SEL1L2: variants seen among roughly 807,000 people sequenced by gnomAD.
The protein encoded by SEL1L2 is SEL1L2 adaptor subunit of SYVN1 ubiquitin ligase.
Under a neutral mutation model 98.8 loss-of-function variants are expected in SEL1L2, and 89 were observed. That is an observed-to-expected ratio of 0.90 (90% CI 0.76 to 1.07). The LOEUF (loss-of-function observed/expected upper bound fraction) is 1.07. Among genes scored for constraint, SEL1L2 ranks in the 50% least tolerant of loss-of-function variants. The pLI, the probability that SEL1L2 is intolerant of heterozygous loss-of-function variation, is 0.00. For missense variants in SEL1L2, 788 were observed against 812.0 expected (o/e 0.97, Z 0.36); for synonymous variants, 262 against 278.5 (o/e 0.94, Z 0.59).
intron 1 of SEL1L2, among the ~76,000 whole-genome samples, chr20:13,983,833 T>TA (rs907804911): frequency 6.6e-6 from 1 of 151,680 alleles, no homozygotes; most frequent in Non-Finnish European, 1.5e-5. Flanking sequence ...CACTAGCTTT[T>TA]AAAAAATAAC....
At chr20:13,875,066 A>T (rs80285491) in intron 12 of SEL1L2, among the ~76,000 whole-genome samples, 1 of 152,308 alleles carries the variant, frequency 6.6e-6, no homozygotes, top group Non-Finnish European at 1.5e-5. Flanking sequence ...GAGGCATATT[A>T]TACCATTTCG....
chr20:13,969,099 T>C (rs1290497480), intron 1 of SEL1L2, among the ~76,000 whole-genome samples: 2 of 152,162 alleles, frequency 1.3e-5, no homozygotes, highest in Admixed American at 1.3e-4. Flanking sequence ...AGATAGAAAG[T>C]TTCCACTTAG....
intron 17 of SEL1L2, among the ~76,000 whole-genome samples, chr20:13,863,996 G>GA (rs1600496856): frequency 6.6e-6 from 1 of 150,636 alleles, no homozygotes; most frequent in Non-Finnish European, 1.5e-5. Flanking sequence ...AAAAGATAAA[G>GA]AAAAAAATAT....
At chr20:13,984,861 T>A (rs1303293634) in intron 1 of SEL1L2, among the ~76,000 whole-genome samples, 1 of 152,334 alleles carries the variant, frequency 6.6e-6, no homozygotes, top group Non-Finnish European at 1.5e-5. Flanking sequence ...CAGTGTGATA[T>A]TTTGATACAT....
chr20:13,960,419 G>A lies in SEL1L2; in HGVS notation c.59-4288C>T, dbSNP rs542864643. On this transcript the variant is annotated intron_variant, in intron 1 of 19. Transcript: ENST00000284951. The stretch of plus-strand genomic sequence containing the variant: ...ATTAGGGAAATGGAAGGAAGCATAA[G>A]CATATAACTGAAGGAATTAACTATT... Among the ~76,000 whole-genome samples the A allele has an allele frequency of 6.6e-5, 10 of 152,254 alleles. No homozygotes were observed. The South Asian group carries it at 2.1e-3, about 32-fold the overall frequency.
At position 13,940,822 on chromosome 20, in the gene SEL1L2, C is replaced by A. The variant is rs2049738768; in HGVS notation, c.115-9051G>T. ...GGCTGAGGCAGGAGAATTGCTTGAACCCGGGAGGCGGAGGTTGCACTGAGC... is the reference window on the plus strand; with the variant it reads ...GGCTGAGGCAGGAGAATTGCTTGAAACCGGGAGGCGGAGGTTGCACTGAGC... On this transcript the variant is annotated intron_variant, in intron 2 of 19. Coordinates refer to ENST00000284951, the MANE Select transcript of SEL1L2 (RefSeq NM_025229.2). 2.0e-5 allele frequency among the ~76,000 whole-genome samples: 3 copies of A among 152,104 alleles called. No homozygotes were observed. The South Asian group carries it at 6.2e-4, about 32-fold the overall frequency.
At chr20:13,945,972 A>T (rs1018765840) in intron 2 of SEL1L2, among the ~76,000 whole-genome samples, 3 of 152,198 alleles carry the variant, frequency 2.0e-5, no homozygotes, top group Non-Finnish European at 4.4e-5. Flanking sequence ...ATGAAGGGTT[A>T]CATACTCCAT....
upstream of SEL1L2, among the ~76,000 whole-genome samples, chr20:13,992,226 G>T (rs953826962): frequency 3.9e-5 from 6 of 152,142 alleles, no homozygotes; most frequent in Non-Finnish European, 8.8e-5. Context: ...TATGTGGGCT[G>T]GGTGCCGTGG....
chr20:13,952,319 A>G (rs2050312930), intron 2 of SEL1L2, among the ~76,000 whole-genome samples: 1 of 152,264 alleles, frequency 6.6e-6, no homozygotes, highest in Admixed American at 6.5e-5. Context: ...AAGACAGTGC[A>G]GGTAAGCAGG....
chr20:13,962,404 C>T (rs73097908), intron 1 of SEL1L2, among the ~76,000 whole-genome samples: 4,395 of 152,272 alleles, frequency 0.029, 88 homozygotes, highest in Non-Finnish European at 0.044. Flanking sequence ...GCTGTGAGAC[C>T]ACCATGTCCT....
intron 2 of SEL1L2, 55 bp downstream of exon 2, chr20:13,956,021 T>C (rs1171331625): frequency 1.1e-6 from 1 of 925,410 alleles, no homozygotes; most frequent in Non-Finnish European, 1.7e-6. Flanking sequence ...AAAAAACTAG[T>C]GCCTATAGCC....
chr20:13,882,917 C>T (rs2046779489), intron 10 of SEL1L2, among the ~76,000 whole-genome samples: 1 of 148,638 alleles, frequency 6.7e-6, no homozygotes, highest in South Asian at 2.2e-4. Flanking sequence ...CCCGGGTTCA[C>T]GCCATTCTCC....
intron 1 of SEL1L2, among the ~76,000 whole-genome samples, chr20:13,975,853 GTTTTGTT>G (rs1052377699): frequency 6.6e-6 from 1 of 152,084 alleles, no homozygotes; most frequent in Non-Finnish European, 1.5e-5. Flanking sequence ...CTTTTGTTTT[GTTTTGTT>G]TTTTGTTTAT....
At chr20:13,869,464 T>A in intron 14 of SEL1L2, 39 bp downstream of exon 14, 7 of 1,438,010 alleles carry the variant, frequency 4.9e-6, no homozygotes, top group Non-Finnish European at 6.9e-6. Flanking sequence ...ATAATGCATA[T>A]GTCATTCTAA....
intron 3 of SEL1L2, among the ~76,000 whole-genome samples, chr20:13,924,186 C>T (rs998561137): frequency 4.6e-5 from 7 of 152,042 alleles, no homozygotes; most frequent in Non-Finnish European, 1.5e-5. Context: ...TTTTGTGCAT[C>T]ATGTTTTAAG....
At chr20:13,915,193 A>G (rs775002856) in intron 4 of SEL1L2, 74 of 1,289,476 alleles carry the variant, frequency 5.7e-5, no homozygotes, top group Non-Finnish European at 7.1e-5. Context: ...AGAGTAGTCC[A>G]GGCAAGAAGG....
intron 3 of SEL1L2, among the ~76,000 whole-genome samples, chr20:13,924,334 C>T (rs114162591): frequency 7.4e-4 from 111 of 149,872 alleles, no homozygotes; most frequent in African/African-American, 2.6e-3. Flanking sequence ...CTGATTTTTC[C>T]GGTAATTTGT....
intron 2 of SEL1L2, among the ~76,000 whole-genome samples, chr20:13,932,094 A>G (rs1347742776): frequency 1.3e-5 from 2 of 152,162 alleles, no homozygotes; most frequent in East Asian, 3.8e-4. Flanking sequence ...GGTAATGTCA[A>G]TCGTGTTAGC....
chr20:13,880,636 CCATT>C (rs2046653953), intron 10 of SEL1L2, among the ~76,000 whole-genome samples: 1 of 151,908 alleles, frequency 6.6e-6, no homozygotes, highest in Non-Finnish European at 1.5e-5. Flanking sequence ...ATCCATCCAT[CCATT>C]CATCCATCCT....
Sources: allele counts gnomAD v4.1 joint callset (sites outside exome capture counted in the v4.1 genomes callset), GRCh38; gene constraint gnomAD v4.1.1; transcripts MANE v1.5; gene names NCBI Gene and HGNC (gene_info 2026-07-23, HGNC 2026-07-21).